Variants in CLIC5 observed in about 807,000 individuals in gnomAD.
CLIC5 encodes chloride intracellular channel protein 5.
In CLIC5, 20 loss-of-function variants were observed where a neutral mutation model predicts 24.7. That is an observed-to-expected ratio of 0.81 (90% CI 0.57 to 1.18). CLIC5 has a LOEUF of 1.18. Among genes scored for constraint, CLIC5 ranks in the 50% most tolerant of loss-of-function variants. The pLI is 0.00. For missense variants in CLIC5, 341 were observed against 326.1 expected, an observed-to-expected ratio of 1.05 and a Z score of -0.35; for synonymous variants, 159 against 135.6, an observed-to-expected ratio of 1.17 and a Z score of -1.20.
intron 1 of CLIC5, among the ~76,000 whole-genome samples, chr6:46,003,423 AAAC>A (rs911208700): frequency 1.3e-5 from 2 of 152,186 alleles, no homozygotes; most frequent in South Asian, 2.1e-4. Flanking sequence ...ACCTTTGCAA[AAAC>A]AACAACAACA....
At chr6:45,931,658 T>G (rs1485686613) in intron 4 of CLIC5, among the ~76,000 whole-genome samples, 1 of 152,156 alleles carries the variant, frequency 6.6e-6, no homozygotes, top group African/African-American at 2.4e-5. Flanking sequence ...CTTAGAGGTT[T>G]GTTTGTTTGT....
intron 1 of CLIC5, among the ~76,000 whole-genome samples, chr6:46,041,711 T>G (rs1044305447): frequency 6.6e-6 from 1 of 152,138 alleles, no homozygotes; most frequent in Non-Finnish European, 1.5e-5. Context: ...ATTGATAAGT[T>G]TTGAATTTTA....
chr6:46,105,741 T>C, the CLIC5 span, among the ~76,000 whole-genome samples: 2 of 152,206 alleles, frequency 1.3e-5, no homozygotes, highest in Non-Finnish European at 2.9e-5. Context: ...ACCTGATCTC[T>C]TTGGCCTTGG....
At chr6:45,917,793 G>A (rs1270041295) in intron 4 of CLIC5, among the ~76,000 whole-genome samples, 2 of 152,216 alleles carry the variant, frequency 1.3e-5, no homozygotes. Context: ...TGGTACACAG[G>A]TCATGAAACT....
At chr6:46,010,564 T>C (rs978534156) in intron 1 of CLIC5, among the ~76,000 whole-genome samples, 2 of 152,174 alleles carry the variant, frequency 1.3e-5, no homozygotes, top group Non-Finnish European at 2.9e-5. Context: ...ACTGTCTAAA[T>C]TGACAGACGC....
chr6:45,928,767 AGTGT>A (rs5875948), intron 4 of CLIC5, among the ~76,000 whole-genome samples: 127 of 144,174 alleles, frequency 8.8e-4, no homozygotes, highest in African/African-American at 3.2e-3. Context: ...GAAGTGCATA[AGTGT>A]GTGTGTGTGT....
At chr6:45,895,283 A>G (rs1374731876), downstream of CLIC5, among the ~76,000 whole-genome samples, 1 of 152,144 alleles carries the variant, frequency 6.6e-6, no homozygotes, top group Non-Finnish European at 1.5e-5. Flanking sequence ...CCTGTTTCTA[A>G]ATATAACACC....
At chr6:45,938,880 G>T (rs1764030185) in intron 4 of CLIC5, among the ~76,000 whole-genome samples, 1 of 152,194 alleles carries the variant, frequency 6.6e-6, no homozygotes, top group Admixed American at 6.5e-5. Flanking sequence ...TCGAGAGCCA[G>T]CTCTGCCTTG....
At chr6:46,058,352 T>C (rs1768318871) in intron 1 of CLIC5, among the ~76,000 whole-genome samples, 1 of 152,230 alleles carries the variant, frequency 6.6e-6, no homozygotes, top group African/African-American at 2.4e-5. Flanking sequence ...GGCAAGTGTC[T>C]GTGGTGGGTA....
intron 1 of CLIC5, among the ~76,000 whole-genome samples, chr6:46,026,574 A>G (rs1006822530): frequency 2.0e-5 from 3 of 152,228 alleles, no homozygotes; most frequent in Non-Finnish European, 4.4e-5. Flanking sequence ...AAAATCAGAG[A>G]GCATTATTTT....
chr6:45,954,570 A>G (rs1338181267), intron 2 of CLIC5, among the ~76,000 whole-genome samples: 1 of 152,212 alleles, frequency 6.6e-6, no homozygotes, highest in Non-Finnish European at 1.5e-5. Flanking sequence ...GAAGACAGGA[A>G]ACAGAATACA....
intron 3 of CLIC5, among the ~76,000 whole-genome samples, chr6:45,948,031 A>G (rs1436473946): frequency 1.3e-5 from 2 of 152,154 alleles, no homozygotes; most frequent in Non-Finnish European, 2.9e-5. Flanking sequence ...AATTCACTAG[A>G]TGTGCAACCT....
chr6:45,995,159 T>C (rs983764149), intron 1 of CLIC5, among the ~76,000 whole-genome samples: 3 of 152,208 alleles, frequency 2.0e-5, no homozygotes, highest in Non-Finnish European at 4.4e-5. Context: ...GTTAGGAACA[T>C]GTATAAGCTG....
At chr6:45,935,701 A>T (rs750598273) in intron 4 of CLIC5, among the ~76,000 whole-genome samples, 2 of 152,170 alleles carry the variant, frequency 1.3e-5, no homozygotes, top group African/African-American at 2.4e-5. Flanking sequence ...TTCCTGATCC[A>T]GTTCCCTATC....
rs111381456 is a variant in CLIC5, at chr6:45,915,174, C to T, written c.407-765G>A. Among the ~76,000 whole-genome samples the T allele has an allele frequency of 6.1e-3, 924 of 151,966 alleles. 6 individuals carry two copies. The highest frequency in any genetic ancestry group is 0.02 in the African/African-American group (848 of 41,480). On this transcript the variant is annotated intron_variant, in intron 4 of 5. Coordinates refer to ENST00000339561, the MANE Select transcript of CLIC5 (RefSeq NM_016929.5). ...CGATCTCCTGACCTCATGATCGGCC[C>T]GCCTTGGCCTCCCAAAGTGCTGGGA...
At chr6:45,967,988 T>C (rs1358647811) in intron 1 of CLIC5, among the ~76,000 whole-genome samples, 2 of 152,160 alleles carry the variant, frequency 1.3e-5, no homozygotes, top group African/African-American at 4.8e-5. Context: ...GGGACACACA[T>C]TCAAACCATA....
the CLIC5 span, among the ~76,000 whole-genome samples, chr6:46,101,742 C>T: frequency 2.0e-5 from 3 of 152,230 alleles, no homozygotes; most frequent in South Asian, 4.1e-4. Flanking sequence ...GTCTGTTGAA[C>T]CTAGTGCAGG....
upstream of CLIC5, among the ~76,000 whole-genome samples, chr6:46,019,502 A>C (rs536922439): frequency 1.3e-5 from 2 of 151,482 alleles, no homozygotes; most frequent in South Asian, 2.1e-4. Context: ...CTGGCTAACA[A>C]GGTGAAACCC....
chr6:46,080,037 G>T (rs1169278795), exon 1 of CLIC5: 3 of 1,551,644 alleles, frequency 1.9e-6, no homozygotes, highest in Non-Finnish European at 8.7e-7. Flanking sequence ...GGCCAAGCTG[G>T]TCTCTTCACC....
Sources: allele counts gnomAD v4.1 joint callset (sites outside exome capture counted in the v4.1 genomes callset), GRCh38; gene constraint gnomAD v4.1.1; transcripts MANE v1.5; gene names NCBI Gene and HGNC (gene_info 2026-07-23, HGNC 2026-07-21).